Variants in AP4E1 observed in about 807,000 individuals in gnomAD.
The protein encoded by AP4E1 is adaptor related protein complex 4 subunit epsilon 1.
In AP4E1, 56 loss-of-function variants were observed where a neutral mutation model predicts 128.2. The ratio of observed to expected loss-of-function variants is 0.44; its 90% CI spans 0.35 to 0.55. The LOEUF (loss-of-function observed/expected upper bound fraction) is 0.55. Ranked by LOEUF, AP4E1 falls within the 20% of genes least tolerant of loss-of-function variation. AP4E1 has a pLI of 0.00. For synonymous variants in AP4E1, 484 were observed against 473.1 expected (o/e 1.02, Z -0.30); for missense variants, 1,324 against 1,307.7 (o/e 1.01, Z -0.19).
Position 50,997,608 on chromosome 15 carries a change from T to C in AP4E1, c.2629T>C (p.Leu877=). 1 of 1,614,112 alleles carries C rather than the reference T, an allele frequency of 6.2e-7. No individual in the cohort carries two copies. The highest frequency in any genetic ancestry group is 2.2e-5 in the East Asian group (1 of 44,846). Residue 877 remains leucine (L), a synonymous_variant, in exon 18 of 21, where the codon TTG becomes CTG. Coordinates refer to ENST00000261842, the MANE Select transcript of AP4E1 (RefSeq NM_007347.5). ...FSYCSLSTPS[L]FANNNMEIFH... ...ATATTGTAGTCTGTCTACACCTTCA[T>C]TGTTTGCTAATAACAACATGGAAAT...
At chr15:50,972,659 T>C (rs2064496781) in intron 15 of AP4E1, among the ~76,000 whole-genome samples, 1 of 152,236 alleles carries the variant, frequency 6.6e-6, no homozygotes, top group African/African-American at 2.4e-5. Context: ...ATGTACACAG[T>C]GAGTCAGCCA....
intron 13 of AP4E1, among the ~76,000 whole-genome samples, chr15:50,951,239 C>T (rs895281494): frequency 8.5e-5 from 13 of 152,184 alleles, no homozygotes; most frequent in African/African-American, 3.1e-4. Flanking sequence ...GGTAAATAAT[C>T]CACTTTCGAG....
At chr15:50,945,679 A>G (rs926797255) in intron 10 of AP4E1, 2 of 784,400 alleles carry the variant, frequency 2.5e-6, no homozygotes, top group South Asian at 2.7e-5. Flanking sequence ...CAGCAAGTAT[A>G]TTATGTGTGG....
At chr15:50,925,279 C>T in intron 5 of AP4E1, 60 bp downstream of exon 5, 1 of 1,541,574 alleles carries the variant, frequency 6.5e-7, no homozygotes, top group Non-Finnish European at 8.9e-7. Context: ...GAAGTTTATG[C>T]TAGAAAATTT....
chr15:50,909,221 T>A (rs1036900056), intron 1 of AP4E1, among the ~76,000 whole-genome samples: 1 of 152,262 alleles, frequency 6.6e-6, no homozygotes, highest in African/African-American at 2.4e-5. Context: ...GGTGGAAAAG[T>A]ACTGATACAT....
Position 50,997,395 on chromosome 15 carries a change from G to C in AP4E1, c.2416G>C (p.Glu806Gln). 6.2e-7 allele frequency: 1 copy of C among 1,606,484 alleles called. No homozygotes were observed. Residue 806 changes from glutamate (E) to glutamine (Q), a missense_variant, in exon 18 of 21, where the codon GAA (glutamate) becomes CAA (glutamine). Physicochemically the swap from Glu to Gln is conservative, Grantham distance 29. Transcript: ENST00000261842. The stretch of plus-strand genomic sequence containing the variant: ...AAAAGTCAAAGAAGCTAAAAGTGGC[G>C]AAACAACCAGTACTCATAATATGAC... ...KSKVKEAKSG[E>Q]TTSTHNMTCS...
At chr15:50,931,069 C>T in intron 7 of AP4E1, 98 bp downstream of exon 7, 2 of 1,431,938 alleles carry the variant, frequency 1.4e-6, no homozygotes, top group Non-Finnish European at 2.0e-6. Context: ...CAGATTCTTC[C>T]AATGTTTAAT....
Position 50,941,649 on chromosome 15 carries a change from T to C in AP4E1, c.1067-17T>C. 1 of 1,612,184 alleles carries C rather than the reference T, an allele frequency of 6.2e-7. No homozygotes were observed. Among genetic ancestry groups the C allele is most frequent in the South Asian group, 1.1e-5 (1 of 91,022 alleles). On this transcript the variant is annotated splice_polypyrimidine_tract_variant and intron_variant, in intron 9 of 20. Coordinates refer to ENST00000261842, the MANE Select transcript of AP4E1 (RefSeq NM_007347.5). ...ATTTGTTTCAATTCACTTTGTATAA[T>C]GTGTCTTTGTTTCTAGGACTGAAGG... is the stretch of plus-strand genomic sequence containing the variant.
chr15:50,948,777 A>T (rs1486377390), intron 11 of AP4E1, among the ~76,000 whole-genome samples: 1 of 151,994 alleles, frequency 6.6e-6, no homozygotes, highest in African/African-American at 2.4e-5. Flanking sequence ...GTTTGAGACC[A>T]GCCTGACCAA....
intron 16 of AP4E1, 125 bp from the exon 17 acceptor site, chr15:50,993,245 T>C (rs2064826643): frequency 1.0e-6 from 1 of 974,754 alleles, no homozygotes; most frequent in African/African-American, 1.6e-5. Flanking sequence ...TTCTGGTATA[T>C]AGAATATAAT....
In AP4E1 at chr15:50,958,435, A is replaced by G. The variant is rs1325898170; in HGVS notation, c.1549-57A>G. On this transcript the variant is annotated intron_variant, in intron 13 of 20. Coordinates refer to ENST00000261842, the MANE Select transcript of AP4E1 (RefSeq NM_007347.5). ...GTAGGTACTTTGTTTAGATTTTAGT[A>G]TAGTCTACTGTATAACTTGATATTT... is the stretch of plus-strand genomic sequence containing the variant. 1.3e-5 allele frequency: 19 copies of G among 1,435,792 alleles called. No individual in the cohort carries two copies. The East Asian group carries it at 4.0e-4, about 30-fold the overall frequency. The allele number at this position is 1,435,792 out of a possible 1,614,324, so 88.9% of individuals were successfully genotyped here. A position where few individuals can be genotyped will look rare whatever the true frequency, so the allele number is the denominator to read the frequency against.
chr15:50,978,506 G>T (rs1334049085), intron 15 of AP4E1, among the ~76,000 whole-genome samples: 2 of 152,156 alleles, frequency 1.3e-5, no homozygotes, highest in Non-Finnish European at 2.9e-5. Context: ...AAATGAGTGT[G>T]CATATAATTG....
chr15:50,958,920 G>A (rs2064271786), intron 14 of AP4E1, 126 bp downstream of exon 14: 3 of 1,055,414 alleles, frequency 2.8e-6, no homozygotes, highest in Non-Finnish European at 4.3e-6. Flanking sequence ...GAATGTTGGA[G>A]TTCCTTTTCA....
In AP4E1 at chr15:51,002,941, G is replaced by T; in HGVS notation, c.*279G>T. On this transcript the variant is annotated 3_prime_UTR_variant, in exon 21 of 21. Transcript: ENST00000261842. ...TTTATATATCACTTAGTGTGTAGAGGGACTGAAAATATTTATTTTGTTATA... is the reference window on the plus strand; with the variant it reads ...TTTATATATCACTTAGTGTGTAGAGTGACTGAAAATATTTATTTTGTTATA... The T allele has an allele frequency of 3.2e-6, 1 of 309,720 alleles. No individual in the cohort carries two copies. Among genetic ancestry groups the T allele is most frequent in the Non-Finnish European group, 6.1e-6 (1 of 165,176 alleles). The allele number at this position is 309,720 out of a possible 1,614,324, so 19.2% of individuals were successfully genotyped here. A position where few individuals can be genotyped will look rare whatever the true frequency, so the allele number is the denominator to read the frequency against.
At chr15:50,962,882 T>C (rs1421943348) in intron 14 of AP4E1, among the ~76,000 whole-genome samples, 1 of 56,986 alleles carries the variant, frequency 1.8e-5, no homozygotes, top group Non-Finnish European at 2.8e-5. Flanking sequence ...GGAACTCAAT[T>C]CAACAGCAAA....
At chr15:50,960,245 A>G (rs1023410413) in intron 14 of AP4E1, among the ~76,000 whole-genome samples, 15 of 152,122 alleles carry the variant, frequency 9.9e-5, no homozygotes, top group African/African-American at 3.4e-4. Context: ...AGAAGCATCA[A>G]ACTTAATTTT....
In AP4E1 at chr15:50,997,892, T is replaced by C; in HGVS notation, c.2904+9T>C. 6.3e-7 allele frequency: 1 copy of C among 1,583,742 alleles called. No homozygotes were observed. Among genetic ancestry groups the C allele is most frequent in the Non-Finnish European group, 8.6e-7 (1 of 1,161,290 alleles). The stretch of plus-strand genomic sequence containing the variant: ...CTGCAGAAAATTTCAAGGTAAAATT[T>C]AAAGGTATTATTGTTTTATTTTCAG... On this transcript the variant is annotated intron_variant, in intron 18 of 20. Coordinates refer to ENST00000261842, the MANE Select transcript of AP4E1 (RefSeq NM_007347.5).
At chr15:50,946,971 G>C (rs2064070530) in intron 10 of AP4E1, among the ~76,000 whole-genome samples, 1 of 152,086 alleles carries the variant, frequency 6.6e-6, no homozygotes, top group African/African-American at 2.4e-5. Context: ...AGGAGTTCGA[G>C]ACCAGCCTGG....
chr15:50,995,030 G>T (rs1004795504), intron 17 of AP4E1, among the ~76,000 whole-genome samples: 1 of 152,164 alleles, frequency 6.6e-6, no homozygotes, highest in Non-Finnish European at 1.5e-5. Context: ...AAGGAATTGT[G>T]TTGTAACTTA....
Sources: gnomAD v4.1 joint callset for allele counts (sites outside exome capture counted in the v4.1 genomes callset) on GRCh38, gnomAD v4.1.1 for gene constraint, MANE v1.5 for transcripts, NCBI Gene and HGNC (gene_info 2026-07-23, HGNC 2026-07-21) for gene names.